ZNF829: variants seen among roughly 807,000 people sequenced by gnomAD.
ZNF829 encodes zinc finger protein 829.
In ZNF829, 25 loss-of-function variants were observed where a neutral mutation model predicts 35.2. That is an observed-to-expected ratio of 0.71 (90% confidence interval 0.52 to 0.99). The LOEUF (loss-of-function observed/expected upper bound fraction) is 0.99, where lower values mean the gene tolerates loss of function less well. Ranked by LOEUF, ZNF829 falls within the 50% of genes least tolerant of loss-of-function variation. The pLI is 0.00. For synonymous variants in ZNF829, 136 were observed against 163.2 expected, an observed-to-expected ratio of 0.83 and a Z score of 1.27; for missense variants, 417 against 515.3, an observed-to-expected ratio of 0.81 and a Z score of 1.85.
chr19:36,901,693 G>A lies in ZNF829; in HGVS notation c.319+6236C>T, dbSNP rs1365096311. The stretch of plus-strand genomic sequence containing the variant: ...ACAGAAAACTTCTAGTAGTTTGAAT[G>A]TGCTAGCCTTAAAAAATAAACAAGT... On this transcript the variant is annotated intron_variant, in intron 5 of 5. Transcript: ENST00000391711. The A allele has an allele frequency of 2.0e-5, 8 of 398,316 alleles. No homozygotes were observed. In the East Asian group the frequency reaches 3.2e-4, roughly 16 times the overall value. The allele number at this position is 398,316 out of a possible 1,614,324, so 24.7% of individuals were successfully genotyped here.
chr19:36,888,277 A>C lies in ZNF829; in HGVS notation c.*3215T>G, dbSNP rs367956025. ...TTTGATAAAACATTTAATAGTATAC[A>C]TATTCCAGGGAAGATGTTTCCTGTT... On this transcript the variant is annotated 3_prime_UTR_variant, in exon 6 of 6. Transcript: ENST00000391711. 6.6e-6 allele frequency: 1 copy of C among 152,178 alleles called. No individual in the cohort carries two copies. Among genetic ancestry groups the C allele is most frequent in the African/African-American group, 2.4e-5 (1 of 41,430 alleles). 9.4% of individuals were successfully genotyped at this position (152,178 alleles called of 1,614,324 possible).
At chr19:36,893,824 G>A (rs750773597) in intron 5 of ZNF829, among the ~76,000 whole-genome samples, 1 of 152,066 alleles carries the variant, frequency 6.6e-6, no homozygotes, top group Non-Finnish European at 1.5e-5. Flanking sequence ...ATCTCCTAAT[G>A]GTTTCCCCAG....
chr19:36,910,276 G>A (rs56387564), intron 3 of ZNF829, among the ~76,000 whole-genome samples: 24,708 of 151,922 alleles, frequency 0.16, 2,533 homozygotes, highest in African/African-American at 0.28. Context: ...GTAGAGACAG[G>A]GTTTCACCAT....
chr19:36,907,314 C>T (rs2073226705), intron 5 of ZNF829: 1 of 151,794 alleles, frequency 6.6e-6, no homozygotes, highest in Non-Finnish European at 1.5e-5. Flanking sequence ...ATCCATGGTG[C>T]CAAATGTCAG....
Position 36,891,681 on chromosome 19 carries a change from A to G in ZNF829, c.1110T>C (p.His370=). 3.1e-6 allele frequency: 5 copies of G among 1,613,756 alleles called. No individual in the cohort carries two copies. The highest frequency in any genetic ancestry group is 4.2e-6 in the Non-Finnish European group (5 of 1,179,896). ...GTTTTTCATCTGTATGGATTCTCTG[A>G]TGTTGAATAAGTTCTGAGCTCTGAA... The part of the protein sequence containing the change: ...AFIQSSELIQ[H]QRIHTDEKPY... Residue 370 remains histidine, a synonymous_variant, in exon 6 of 6, where the codon CAT becomes CAC. Transcript: ENST00000391711.
chr19:36,898,443 A>T (rs551857628), intron 5 of ZNF829, among the ~76,000 whole-genome samples: 1 of 152,350 alleles, frequency 6.6e-6, no homozygotes, highest in Admixed American at 6.5e-5. Flanking sequence ...TACAGATTCA[A>T]TGCAATCTAC....
chr19:36,902,464 A>G lies in ZNF829; in HGVS notation c.319+5465T>C, dbSNP rs565034656. On this transcript the variant is annotated intron_variant, in intron 5 of 5. Coordinates refer to ENST00000391711, the MANE Select transcript of ZNF829 (RefSeq NM_001037232.4). ...AGCCTGGGTAACATGGCAAAATCCCATCTCTACAAAAAATACAAAAATTAG... is the reference window on the plus strand; with the variant it reads ...AGCCTGGGTAACATGGCAAAATCCCGTCTCTACAAAAAATACAAAAATTAG... Among the ~76,000 whole-genome samples, 229 of 151,098 alleles carry G rather than the reference A, an allele frequency of 1.5e-3. 1 individual carries two copies. Among genetic ancestry groups the G allele is most frequent in the African/African-American group, 5.4e-3 (221 of 41,190 alleles).
At chr19:36,908,046 G>A (rs750391535) in intron 4 of ZNF829, 22 bp from the exon 5 acceptor site, 51 of 1,606,582 alleles carry the variant, frequency 3.2e-5, no homozygotes, top group Middle Eastern at 1.6e-4. Flanking sequence ...AAAAGACATG[G>A]GACATGGTTA....
chr19:36,894,880 T>G (rs1313362720), intron 5 of ZNF829, among the ~76,000 whole-genome samples: 1 of 152,078 alleles, frequency 6.6e-6, no homozygotes, highest in Non-Finnish European at 1.5e-5. Context: ...AAAAACCTAT[T>G]TAACAAAATA....
rs117089449 is a variant in ZNF829 at position 36,898,814 on chromosome 19, G to A, written c.320-6343C>T. Among the ~76,000 whole-genome samples the A allele has an allele frequency of 6.2e-3, 939 of 152,258 alleles. 26 individuals carry two copies. Among genetic ancestry groups the A allele is most frequent in the East Asian group, 0.05 (257 of 5,182 alleles). On this transcript the variant is annotated intron_variant, in intron 5 of 5. Coordinates refer to ENST00000391711, the MANE Select transcript of ZNF829 (RefSeq NM_001037232.4). ...ACTGGTTATCCATATAGTGAAGAAT[G>A]AAACTAGACTGTATCTCTCACCATA...
rs1422997489 is a variant in ZNF829, at chr19:36,891,246, G to C, written c.*246C>G. ...GAAAAAGGCATAGAACAGATCCTCA[G>C]AGTCCTCAGAAGGAACCAAAACGAT... is the stretch of plus-strand genomic sequence containing the variant. On this transcript the variant is annotated 3_prime_UTR_variant, in exon 6 of 6. Transcript: ENST00000391711. 2.4e-6 allele frequency: 1 copy of C among 408,476 alleles called. No homozygotes were observed. The highest frequency in any genetic ancestry group is 2.1e-5 in the African/African-American group (1 of 48,632). The allele number at this position is 408,476 out of a possible 1,614,324, so 25.3% of individuals were successfully genotyped here. A position where few individuals can be genotyped will look rare whatever the true frequency, so the allele number is the denominator to read the frequency against.
Position 36,908,408 on chromosome 19 carries a change from C to T in ZNF829, c.148G>A (p.Glu50Lys), listed in dbSNP as rs1168859662. 1.2e-6 allele frequency: 2 copies of T among 1,613,144 alleles called. No individual in the cohort carries two copies. Among genetic ancestry groups the T allele is most frequent in the South Asian group, 2.2e-5 (2 of 90,894 alleles). ...TTCATCTGATCAGCGTCCAGGCATT[C>T]CCATTCCTCTTGAGAGAAGTCTATG... ...VSIDFSQEEW[E>K]CLDADQMNLY... The change falls in exon 4 of 6, where the codon GAA becomes AAA. Residue 50 changes from glutamate to lysine, a missense_variant. Coordinates refer to ENST00000391711, the MANE Select transcript of ZNF829 (RefSeq NM_001037232.4).
At position 36,888,748 on chromosome 19, in the gene ZNF829, T is replaced by C. The variant is rs1416540910; in HGVS notation, c.*2744A>G. On this transcript the variant is annotated 3_prime_UTR_variant, in exon 6 of 6. Transcript: ENST00000391711. ...GGCTTTGTTGCTCCCCCGGCTGGAG[T>C]GCAATGGCATAATCTCGGCTCACTG... 2.6e-5 allele frequency: 4 copies of C among 152,108 alleles called. No homozygotes were observed. The highest frequency in any genetic ancestry group is 9.6e-5 in the African/African-American group (4 of 41,452). The allele number at this position is 152,108 out of a possible 1,614,324, so 9.4% of individuals were successfully genotyped here.
intron 5 of ZNF829, among the ~76,000 whole-genome samples, chr19:36,900,148 ACACACACACACAC>A (rs2073151654): frequency 2.4e-4 from 4 of 16,712 alleles, no homozygotes; most frequent in African/African-American, 3.7e-4. Flanking sequence ...TCTACTAAAC[ACACACACACACAC>A]ACACACACAC....
Position 36,914,950 on chromosome 19 carries a change from G to A in ZNF829, c.96+15C>T. On this transcript the variant is annotated intron_variant, in intron 3 of 5. Coordinates refer to ENST00000391711, the MANE Select transcript of ZNF829 (RefSeq NM_001037232.4). ...GCAAGAATTTTCAGAAGAAAAAGAG[G>A]AAACCCCAACACACCTTGGATACTG... The A allele has an allele frequency of 1.2e-6, 2 of 1,613,594 alleles. No homozygotes were observed. Among genetic ancestry groups the A allele is most frequent in the South Asian group, 1.1e-5 (1 of 91,002 alleles).
At position 36,907,825 on chromosome 19, in the gene ZNF829, G is replaced by C. The variant is rs868491616; in HGVS notation, c.319+104C>G. The C allele has an allele frequency of 1.1e-4, 104 of 924,002 alleles. No homozygotes were observed. The highest frequency in any genetic ancestry group is 1.6e-4 in the Non-Finnish European group (97 of 612,020). The allele number at this position is 924,002 out of a possible 1,614,324, so 57.2% of individuals were successfully genotyped here. On this transcript the variant is annotated intron_variant, in intron 5 of 5. Coordinates refer to ENST00000391711, the MANE Select transcript of ZNF829 (RefSeq NM_001037232.4). ...TGAGAAAAAAAAAAAAAGTGGGATA[G>C]CTTATATGGAAGAGGCTTCAGGCCT...
intron 5 of ZNF829, among the ~76,000 whole-genome samples, chr19:36,896,294 G>A (rs569521647): frequency 1.1e-3 from 167 of 148,696 alleles, no homozygotes; most frequent in African/African-American, 4.1e-3. Flanking sequence ...TTGGGTGACA[G>A]AGCAAGACTG....
intron 5 of ZNF829, among the ~76,000 whole-genome samples, chr19:36,896,148 A>C (rs2073110471): frequency 3.9e-5 from 6 of 152,028 alleles, no homozygotes. Context: ...CGTCTCTACT[A>C]AAAATACAAA....
chr19:36,912,177 T>G (rs2073270075), intron 3 of ZNF829, among the ~76,000 whole-genome samples: 1 of 152,182 alleles, frequency 6.6e-6, no homozygotes, highest in Non-Finnish European at 1.5e-5. Context: ...TTTGCAAGCT[T>G]GAAGCAATTC....
Sources: allele counts gnomAD v4.1 joint callset (sites outside exome capture counted in the v4.1 genomes callset), GRCh38; gene constraint gnomAD v4.1.1; transcripts MANE v1.5; gene names NCBI Gene and HGNC (gene_info 2026-07-23, HGNC 2026-07-21).